Variants in NCKAP5 observed in about 807,000 individuals in gnomAD.
NCKAP5 encodes the protein NCK associated protein 5.
In NCKAP5, 92 loss-of-function variants were observed where a neutral mutation model predicts 167.0. That is an observed-to-expected ratio of 0.55 (90% confidence interval 0.47 to 0.66). NCKAP5 has a LOEUF of 0.66. NCKAP5 is among the 30% of genes least tolerant of loss of function. NCKAP5 has a pLI of 0.00. For synonymous variants in NCKAP5, 891 were observed against 877.4 expected (o/e 1.02, Z -0.27); for missense variants, 2,378 against 2,315.0 (o/e 1.03, Z -0.56).
intron 4 of NCKAP5, among the ~76,000 whole-genome samples, chr2:133,295,842 G>A (rs1679921415): frequency 6.6e-6 from 1 of 152,178 alleles, no homozygotes; most frequent in South Asian, 2.1e-4. Flanking sequence ...GTGGTTGGTA[G>A]CTGGCACTCT....
At chr2:133,286,943 G>A (rs1158854982) in intron 4 of NCKAP5, among the ~76,000 whole-genome samples, 1 of 152,214 alleles carries the variant, frequency 6.6e-6, no homozygotes, top group Admixed American at 6.5e-5. Flanking sequence ...TCATTCAATA[G>A]AAGAGGTGTC....
Position 132,934,698 on chromosome 2 carries a change from G to T in NCKAP5, c.579+29022C>A, listed in dbSNP as rs562433668. Among the ~76,000 whole-genome samples, 5 of 152,240 alleles carry T rather than the reference G, an allele frequency of 3.3e-5. No homozygotes were observed. The East Asian group carries it at 7.7e-4, about 24-fold the overall frequency. On this transcript the variant is annotated intron_variant, in intron 8 of 19. Transcript: ENST00000409261. ...TTAATTTATTAAAACATGTACATTTGTTAGACATTTATGAAAGACCTATTT... is the reference window on the plus strand; with the variant it reads ...TTAATTTATTAAAACATGTACATTTTTTAGACATTTATGAAAGACCTATTT...
At chr2:133,559,780 C>T (rs1285043294) in intron 1 of NCKAP5, among the ~76,000 whole-genome samples, 1 of 152,186 alleles carries the variant, frequency 6.6e-6, no homozygotes, top group African/African-American at 2.4e-5. Flanking sequence ...TTCCATTATA[C>T]TGTCTGCATT....
chr2:132,799,624 A>G (rs1280134214), intron 11 of NCKAP5, among the ~76,000 whole-genome samples: 1 of 152,216 alleles, frequency 6.6e-6, no homozygotes, highest in Non-Finnish European at 1.5e-5. Flanking sequence ...AGTTGGTGGT[A>G]GGTAACTTCT....
intron 11 of NCKAP5, among the ~76,000 whole-genome samples, chr2:132,799,725 T>C (rs1684880267): frequency 6.6e-6 from 1 of 152,162 alleles, no homozygotes; most frequent in African/African-American, 2.4e-5. Flanking sequence ...ATAAAATCTG[T>C]TTAGTTTTAA....
chr2:133,537,856 A>G (rs548993849), intron 2 of NCKAP5, among the ~76,000 whole-genome samples: 120 of 152,304 alleles, frequency 7.9e-4, no homozygotes, highest in Non-Finnish European at 1.3e-3. Context: ...GACTTCCATC[A>G]TCTTTCACCA....
At chr2:132,887,807 C>T (rs1475984291) in intron 8 of NCKAP5, among the ~76,000 whole-genome samples, 1 of 152,172 alleles carries the variant, frequency 6.6e-6, no homozygotes, top group Non-Finnish European at 1.5e-5. Context: ...CCAACATACT[C>T]CACTAATTTT....
In NCKAP5 at chr2:132,784,793, G is replaced by C; in HGVS notation, c.2018C>G (p.Ala673Gly). 6.2e-7 allele frequency: 1 copy of C among 1,600,694 alleles called. No individual in the cohort carries two copies. Among genetic ancestry groups the C allele is most frequent in the Non-Finnish European group, 8.5e-7 (1 of 1,172,060 alleles). ...SEECVTVIFDAEDGEPIEFSS... is the reference protein window; with the variant it reads ...SEECVTVIFDGEDGEPIEFSS... ...GAATTCAATGGGCTCACCGTCTTCC[G>C]CATCAAATATCACAGTCACACATTC... Residue 673 changes from alanine (A) to glycine (G), a missense_variant, in exon 14 of 20, where the codon GCG becomes GGG. By Grantham distance (60) the Ala-to-Gly change is moderately conservative. Coordinates refer to ENST00000409261, the MANE Select transcript of NCKAP5 (RefSeq NM_207363.3).
intron 4 of NCKAP5, among the ~76,000 whole-genome samples, chr2:133,255,498 G>A (rs948204041): frequency 6.6e-6 from 1 of 151,412 alleles, no homozygotes; most frequent in African/African-American, 2.4e-5. Flanking sequence ...GGGGGGAGGG[G>A]TGTAAGTGAC....
At chr2:133,510,762 G>T (rs548163638) in intron 3 of NCKAP5, among the ~76,000 whole-genome samples, 1 of 152,362 alleles carries the variant, frequency 6.6e-6, no homozygotes, top group South Asian at 2.1e-4. Context: ...GCTGTTAGCT[G>T]TGCAGATGCA....
chr2:133,448,429 T>C (rs1453431292), intron 3 of NCKAP5, among the ~76,000 whole-genome samples: 2 of 152,092 alleles, frequency 1.3e-5, no homozygotes, highest in Non-Finnish European at 2.9e-5. Context: ...TCACATTAAG[T>C]AATACCATTG....
At chr2:132,690,491 T>A (rs1448755738) in intron 19 of NCKAP5, among the ~76,000 whole-genome samples, 1 of 152,226 alleles carries the variant, frequency 6.6e-6, no homozygotes, top group African/African-American at 2.4e-5. Context: ...TGTTTAGAAG[T>A]TTAGTAATGT....
chr2:132,930,520 C>A (rs973013674), intron 8 of NCKAP5: 1 of 152,160 alleles, frequency 6.6e-6, no homozygotes, highest in Admixed American at 6.5e-5. Context: ...GCTGAGACAT[C>A]CACCTTCTGC....
At chr2:132,869,805 C>T (rs1353917678) in intron 9 of NCKAP5, among the ~76,000 whole-genome samples, 1 of 152,118 alleles carries the variant, frequency 6.6e-6, no homozygotes, top group African/African-American at 2.4e-5. Context: ...ACAACAGTCA[C>T]ATATTAAGGA....
chr2:133,051,510 T>G (rs922793929), intron 6 of NCKAP5, among the ~76,000 whole-genome samples: 1 of 152,174 alleles, frequency 6.6e-6, no homozygotes, highest in African/African-American at 2.4e-5. Flanking sequence ...AAGCAGGTGC[T>G]GGGCTCCACA....
At chr2:133,168,957 C>T (rs1433113981) in intron 5 of NCKAP5, among the ~76,000 whole-genome samples, 3 of 152,252 alleles carry the variant, frequency 2.0e-5, no homozygotes, top group African/African-American at 7.2e-5. Flanking sequence ...GGACAGGCTG[C>T]CCCTCTTGCT....
intron 4 of NCKAP5, among the ~76,000 whole-genome samples, chr2:133,297,602 G>A (rs1680060938): frequency 6.6e-6 from 1 of 152,184 alleles, no homozygotes; most frequent in Non-Finnish European, 1.5e-5. Context: ...CTCCATGGAG[G>A]AAAGGAAACT....
At chr2:133,541,073 A>T (rs2104885988) in intron 2 of NCKAP5, among the ~76,000 whole-genome samples, 1 of 151,046 alleles carries the variant, frequency 6.6e-6, no homozygotes, top group Non-Finnish European at 1.5e-5. Flanking sequence ...ATATATAAGT[A>T]TTTTATATAT....
At chr2:132,795,569 C>T (rs1684511092) in intron 12 of NCKAP5, among the ~76,000 whole-genome samples, 1 of 151,848 alleles carries the variant, frequency 6.6e-6, no homozygotes, top group African/African-American at 2.4e-5. Context: ...GCCTGTAATC[C>T]CAACACTTTG....
Sources: allele counts gnomAD v4.1 joint callset (sites outside exome capture counted in the v4.1 genomes callset), GRCh38; gene constraint gnomAD v4.1.1; transcripts MANE v1.5; gene names NCBI Gene and HGNC (gene_info 2026-07-23, HGNC 2026-07-21).